The following TENM4 variants were observed in gnomAD, a reference collection of about 807,000 sequenced individuals.
The protein encoded by TENM4 is teneurin-4.
A neutral mutation model predicts 243.3 loss-of-function variants in TENM4; 82 were observed. The ratio of observed to expected loss-of-function variants is 0.34; its 90% CI spans 0.28 to 0.40. The LOEUF (loss-of-function observed/expected upper bound fraction) is 0.40, where lower values mean the gene tolerates loss of function less well. TENM4 is among the 10% of genes least tolerant of loss of function. The pLI is 1.00. For synonymous variants in TENM4, 1,412 were observed against 1,456.3 expected, an observed-to-expected ratio of 0.97 and a Z score of 0.69; for missense variants, 3,138 against 3,673.3, an observed-to-expected ratio of 0.85 and a Z score of 3.77.
intron 6 of TENM4, among the ~76,000 whole-genome samples, chr11:79,026,694 G>C (rs1441546342): frequency 6.6e-6 from 1 of 152,204 alleles, no homozygotes; most frequent in Non-Finnish European, 1.5e-5. Flanking sequence ...TATTAGTCCA[G>C]CTTCGCAGAG....
chr11:79,347,171 C>T (rs1776115953), intron 1 of TENM4, among the ~76,000 whole-genome samples: 1 of 152,198 alleles, frequency 6.6e-6, no homozygotes, highest in Admixed American at 6.5e-5. Flanking sequence ...CTAGTGCCAG[C>T]TCCCACCAAA....
At chr11:79,069,272 G>C (rs1860344794) in intron 5 of TENM4, among the ~76,000 whole-genome samples, 1 of 152,204 alleles carries the variant, frequency 6.6e-6, no homozygotes, top group South Asian at 2.1e-4. Flanking sequence ...TTTGTTGAAT[G>C]AACAGCAAAA....
intron 4 of TENM4, among the ~76,000 whole-genome samples, chr11:79,103,470 T>C (rs1426472253): frequency 6.6e-6 from 1 of 152,130 alleles, no homozygotes; most frequent in African/African-American, 2.4e-5. Flanking sequence ...GTGCATCCCC[T>C]TTAGGTGGAA....
chr11:78,891,596 T>A (rs149302188), intron 7 of TENM4, among the ~76,000 whole-genome samples: 189 of 152,344 alleles, frequency 1.2e-3, no homozygotes, highest in African/African-American at 4.1e-3. Flanking sequence ...TGGAGAGGAC[T>A]GACATGTGTC....
intron 1 of TENM4, among the ~76,000 whole-genome samples, chr11:79,334,517 G>T (rs563481413): frequency 6.5e-4 from 99 of 152,282 alleles, no homozygotes; most frequent in African/African-American, 2.3e-3. Context: ...TGGCTGCCCA[G>T]CACTGTCAGG....
intron 1 of TENM4, among the ~76,000 whole-genome samples, chr11:79,401,755 G>A (rs959458670): frequency 4.6e-5 from 7 of 152,178 alleles, no homozygotes; most frequent in Non-Finnish European, 8.8e-5. Flanking sequence ...CTGGATCTTT[G>A]ATCTGGGGGA....
At chr11:78,871,177 G>A (rs1395524645) in intron 9 of TENM4, among the ~76,000 whole-genome samples, 1 of 152,268 alleles carries the variant, frequency 6.6e-6, no homozygotes. Context: ...TGGTTCTGAT[G>A]TGACCAGTTA....
At chr11:79,294,195 A>G (rs1204130244) in intron 2 of TENM4, among the ~76,000 whole-genome samples, 1 of 152,206 alleles carries the variant, frequency 6.6e-6, no homozygotes, top group Non-Finnish European at 1.5e-5. Flanking sequence ...TACTACTACT[A>G]CTGCTGCTAC....
Position 79,215,889 on chromosome 11 carries a change from G to C in TENM4, c.-244C>G, listed in dbSNP as rs1338484991. 17 of 983,664 alleles carry C rather than the reference G, an allele frequency of 1.7e-5. No homozygotes were observed. Among genetic ancestry groups the C allele is most frequent in the Non-Finnish European group, 1.9e-5 (16 of 828,068 alleles). The allele number at this position is 983,664 out of a possible 1,614,324, so 60.9% of individuals were successfully genotyped here. A position where few individuals can be genotyped will look rare whatever the true frequency, so the allele number is the denominator to read the frequency against. Reference sequence around the variant, plus strand: ...CTCTCTCCAAGGCCATTGGATCCTGGAGGATGGTGCGGGATCTTTTCTGTT... The same window carrying C: ...CTCTCTCCAAGGCCATTGGATCCTGCAGGATGGTGCGGGATCTTTTCTGTT... On this transcript the variant is annotated 5_prime_UTR_variant, in exon 3 of 34. Transcript: ENST00000278550.
chr11:79,015,179 C>A (rs954778486), intron 6 of TENM4, among the ~76,000 whole-genome samples: 1 of 152,194 alleles, frequency 6.6e-6, no homozygotes, highest in Non-Finnish European at 1.5e-5. Context: ...CACATGGAAT[C>A]CTCACAACAA....
At chr11:79,129,852 A>G (rs927863028) in intron 4 of TENM4, among the ~76,000 whole-genome samples, 1 of 152,010 alleles carries the variant, frequency 6.6e-6, no homozygotes, top group African/African-American at 2.4e-5. Context: ...CTAGAGCCCC[A>G]CCCACCGCTG....
At chr11:79,087,027 C>T (rs1031366339) in intron 4 of TENM4, among the ~76,000 whole-genome samples, 1 of 152,084 alleles carries the variant, frequency 6.6e-6, no homozygotes, top group African/African-American at 2.4e-5. Flanking sequence ...CTAAGCTCTA[C>T]AGAGTTGGGA....
At chr11:78,717,858 A>G (rs115202887) in intron 25 of TENM4, among the ~76,000 whole-genome samples, 190 of 152,318 alleles carry the variant, frequency 1.2e-3, no homozygotes, top group African/African-American at 4.4e-3. Flanking sequence ...AAAGGCTTCA[A>G]ACATCTTCCA....
intron 9 of TENM4, among the ~76,000 whole-genome samples, chr11:78,883,028 T>G (rs1252167145): frequency 6.6e-6 from 1 of 152,218 alleles, no homozygotes; most frequent in African/African-American, 2.4e-5. Context: ...CTCCACCCTT[T>G]ATATCCTGGT....
chr11:78,996,809 C>T (rs902415377), intron 6 of TENM4, among the ~76,000 whole-genome samples: 1 of 152,198 alleles, frequency 6.6e-6, no homozygotes, highest in African/African-American at 2.4e-5. Flanking sequence ...GGGTTTGCAG[C>T]TTTGGGATGA....
chr11:78,746,189 C>T (rs1324052311), intron 19 of TENM4, among the ~76,000 whole-genome samples: 6 of 152,216 alleles, frequency 3.9e-5, no homozygotes, highest in Non-Finnish European at 5.9e-5. Flanking sequence ...TCCTCATGTA[C>T]AGGTGAGGTC....
chr11:78,805,277 T>TGCCCCCCCACCCCCCCCCCCCCCC lies in TENM4; in HGVS notation c.2179+14_2179+15insGGGGGGGGGGGGGGGTGGGGGGGC. ...CCCCTCCCTCTACCCATGCTTCTTCTCCCCCTGCATTTACCGATAGAACAG... is the reference window on the plus strand; with the variant it reads ...CCCCTCCCTCTACCCATGCTTCTTCTGCCCCCCCACCCCCCCCCCCCCCCCCCCCTGCATTTACCGATAGAACAG... On this transcript the variant is annotated intron_variant, in intron 15 of 33. Coordinates refer to ENST00000278550, the MANE Select transcript of TENM4 (RefSeq NM_001098816.3). 7.1e-7 allele frequency: 1 copy of TGCCCCCCCACCCCCCCCCCCCCCC among 1,402,550 alleles called. No individual in the cohort carries two copies. 86.9% of individuals were successfully genotyped at this position (1,402,550 alleles called of 1,614,324 possible).
intron 6 of TENM4, among the ~76,000 whole-genome samples, chr11:78,912,574 G>A (rs1487471853): frequency 6.6e-6 from 1 of 152,150 alleles, no homozygotes; most frequent in African/African-American, 2.4e-5. Context: ...AACTTTTAAA[G>A]CTAAGAGTAG....
chr11:79,081,049 C>T (rs1403233295), intron 4 of TENM4, among the ~76,000 whole-genome samples: 1 of 152,200 alleles, frequency 6.6e-6, no homozygotes. Flanking sequence ...AGAAGGGAAA[C>T]CAACATCCCA....
Sources: gnomAD v4.1 joint callset for allele counts (sites outside exome capture counted in the v4.1 genomes callset) on GRCh38, gnomAD v4.1.1 for gene constraint, MANE v1.5 for transcripts, NCBI Gene and HGNC (gene_info 2026-07-23, HGNC 2026-07-21) for gene names.